DCC: variants seen among roughly 807,000 people sequenced by gnomAD.
DCC encodes DCC netrin 1 receptor.
DCC carries 58 observed loss-of-function variants against 172.5 expected under a neutral mutation model. The observed-to-expected ratio is 0.34, with a 90% CI of 0.27 to 0.42. The LOEUF is 0.42. Among genes scored for constraint, DCC ranks in the 10% least tolerant of loss-of-function variants. The pLI is 1.00. For synonymous variants in DCC, 709 were observed against 644.5 expected (o/e 1.10, Z -1.52); for missense variants, 1,740 against 1,791.0 (o/e 0.97, Z 0.51).
intron 2 of DCC, among the ~76,000 whole-genome samples, chr18:52,882,421 T>C (rs1057098396): frequency 2.6e-5 from 4 of 152,122 alleles, no homozygotes; most frequent in Non-Finnish European, 5.9e-5. Flanking sequence ...TAGACACTTA[T>C]AACTATGAAT....
intron 2 of DCC, among the ~76,000 whole-genome samples, chr18:52,888,517 A>G (rs2039601311): frequency 6.6e-6 from 1 of 152,158 alleles, no homozygotes; most frequent in Admixed American, 6.6e-5. Flanking sequence ...AAATGAAAGA[A>G]CCCAAGTCAG....
chr18:52,944,862 G>GTATT (rs142342523), intron 5 of DCC, among the ~76,000 whole-genome samples: 5 of 152,210 alleles, frequency 3.3e-5, no homozygotes, highest in Non-Finnish European at 7.4e-5. Flanking sequence ...TCATAAGTTG[G>GTATT]TATTTATGAT....
intron 5 of DCC, among the ~76,000 whole-genome samples, chr18:53,022,541 G>A (rs62097946): frequency 6.0e-4 from 63 of 104,450 alleles, no homozygotes; most frequent in Middle Eastern, 5.1e-3. Context: ...ATATATATAT[G>A]TGCGTGTGTG....
At chr18:53,456,795 C>T (rs974325889) in intron 23 of DCC, among the ~76,000 whole-genome samples, 2 of 152,264 alleles carry the variant, frequency 1.3e-5, no homozygotes, top group Non-Finnish European at 1.5e-5. Context: ...ACACAGGAAC[C>T]GTGGGCTGCA....
At chr18:53,062,182 T>C (rs1033626265) in intron 5 of DCC, among the ~76,000 whole-genome samples, 1 of 152,014 alleles carries the variant, frequency 6.6e-6, no homozygotes, top group African/African-American at 2.4e-5. Flanking sequence ...GTAGGAAAAA[T>C]CAGGACTTAA....
intron 25 of DCC, among the ~76,000 whole-genome samples, chr18:53,469,744 C>G (rs1214873074): frequency 6.6e-6 from 1 of 152,030 alleles, no homozygotes; most frequent in Non-Finnish European, 1.5e-5. Context: ...AATGCCACTT[C>G]CCCCTCCAAT....
rs192601939 is a variant in DCC at position 52,418,164 on chromosome 18, C to T, written c.91+77286C>T. ...GAGCTATTTTTTAATTCATTAAAGA[C>T]TTCAAAAGCTAGAAATCACAATTCT... On this transcript the variant is annotated intron_variant, in intron 1 of 28. Transcript: ENST00000442544. Among the ~76,000 whole-genome samples the T allele has an allele frequency of 2.0e-3, 301 of 152,266 alleles. 2 individuals carry two copies. The highest frequency in any genetic ancestry group is 6.9e-3 in the African/African-American group (286 of 41,568).
chr18:53,018,803 A>T (rs1033656589), intron 5 of DCC, among the ~76,000 whole-genome samples: 3 of 152,202 alleles, frequency 2.0e-5, no homozygotes, highest in African/African-American at 7.2e-5. Flanking sequence ...AGAGATGCTC[A>T]TGACAAAAAC....
rs141802268 is a variant in DCC, at chr18:53,377,510, C to T, written c.2360-8533C>T. On this transcript the variant is annotated intron_variant, in intron 15 of 28. Coordinates refer to ENST00000442544, the MANE Select transcript of DCC (RefSeq NM_005215.4). ...AGCCCTTGTGACCAATCACCTCTTA[C>T]ATGTCCCACCTCACAACACTCTTGC... Among the ~76,000 whole-genome samples the T allele has an allele frequency of 4.0e-3, 609 of 152,294 alleles. 5 individuals are homozygous for T. The highest frequency in any genetic ancestry group is 0.014 in the African/African-American group (576 of 41,546).
chr18:52,977,014 A>G (rs1033484986), intron 5 of DCC, among the ~76,000 whole-genome samples: 1 of 152,210 alleles, frequency 6.6e-6, no homozygotes, highest in African/African-American at 2.4e-5. Flanking sequence ...TATTCTAGGC[A>G]TTGGTGTGAC....
intron 5 of DCC, among the ~76,000 whole-genome samples, chr18:52,964,318 T>A (rs977790231): frequency 2.0e-5 from 3 of 152,146 alleles, no homozygotes; most frequent in African/African-American, 7.2e-5. Context: ...TTAATGATGT[T>A]GAATCTAAAG....
chr18:52,356,579 G>T (rs1365741441), intron 1 of DCC, among the ~76,000 whole-genome samples: 1 of 152,074 alleles, frequency 6.6e-6, no homozygotes, highest in East Asian at 1.9e-4. Flanking sequence ...ATTATTATTA[G>T]GATGATATTG....
rs879704746 is a variant in DCC, at chr18:53,087,429, G to A, written c.1261+21263G>A. 9.2e-4 allele frequency among the ~76,000 whole-genome samples: 140 copies of A among 151,540 alleles called. 1 individual carries two copies. The highest frequency in any genetic ancestry group is 3.4e-4 in the African/African-American group (14 of 41,270). On this transcript the variant is annotated intron_variant, in intron 7 of 28. Coordinates refer to ENST00000442544, the MANE Select transcript of DCC (RefSeq NM_005215.4). The stretch of plus-strand genomic sequence containing the variant: ...TGAGAAGTGTCTGTTCATGTCCTTC[G>A]CCCACTTTTTGATGGGGTTGTTTGT...
At chr18:53,343,712 A>T (rs192280812) in intron 15 of DCC, among the ~76,000 whole-genome samples, 244 of 152,108 alleles carry the variant, frequency 1.6e-3, no homozygotes, top group Non-Finnish European at 2.8e-3. Context: ...CTGTTACAGA[A>T]AATTTGTGTA....
At chr18:53,136,120 T>TAA (rs34432576) in intron 7 of DCC, among the ~76,000 whole-genome samples, 7 of 149,786 alleles carry the variant, frequency 4.7e-5, no homozygotes, top group Admixed American at 2.0e-4. Context: ...TCTGCAGTTG[T>TAA]AAAAAAAAAA....
chr18:52,822,224 G>A (rs995565454), intron 2 of DCC, among the ~76,000 whole-genome samples: 1 of 151,368 alleles, frequency 6.6e-6, no homozygotes, highest in African/African-American at 2.4e-5. Flanking sequence ...GAGCAAAAAA[G>A]TGTAAGCCCT....
At chr18:52,380,860 C>T (rs1568142091) in intron 1 of DCC, among the ~76,000 whole-genome samples, 1 of 152,114 alleles carries the variant, frequency 6.6e-6, no homozygotes, top group African/African-American at 2.4e-5. Flanking sequence ...GGGGACTCTG[C>T]AGCAGAAGAG....
chr18:52,927,089 G>GTATATACGTGTA lies in DCC; in HGVS notation c.985+1724_985+1735dup, dbSNP rs1568191971. 2.2e-3 allele frequency among the ~76,000 whole-genome samples: 209 copies of GTATATACGTGTA among 94,474 alleles called. 18 individuals carry two copies. Among genetic ancestry groups the GTATATACGTGTA allele is most frequent in the African/African-American group, 6.3e-3 (152 of 24,072 alleles). 62.0% of individuals were successfully genotyped at this position (94,474 alleles called of 152,430 possible). On this transcript the variant is annotated intron_variant, in intron 5 of 28. Transcript: ENST00000442544. ...TACACACATATATGTGTATATACAC[G>GTATATACGTGTA]TATATACGTGTATATACACGTATAT...
chr18:52,448,697 G>A (rs1023957537), intron 1 of DCC, among the ~76,000 whole-genome samples: 2 of 152,156 alleles, frequency 1.3e-5, no homozygotes, highest in Non-Finnish European at 2.9e-5. Flanking sequence ...GGTAACAGTA[G>A]AATTGAGCAG....
Sources: gnomAD v4.1 joint callset for allele counts (sites outside exome capture counted in the v4.1 genomes callset) on GRCh38, gnomAD v4.1.1 for gene constraint, MANE v1.5 for transcripts, NCBI Gene and HGNC (gene_info 2026-07-23, HGNC 2026-07-21) for gene names.